The following DLG2 variants were observed in gnomAD, a reference collection of about 807,000 sequenced individuals.
DLG2 encodes discs large MAGUK scaffold protein 2.
A neutral mutation model predicts 132.5 loss-of-function variants in DLG2; 45 were observed. The observed-to-expected ratio is 0.34, with a 90% CI of 0.27 to 0.44. The LOEUF is 0.44. DLG2 is among the 20% of genes least tolerant of loss of function. DLG2 has a pLI of 1.00. For synonymous variants in DLG2, 424 were observed against 419.6 expected (o/e 1.01, Z -0.13); for missense variants, 1,045 against 1,196.9 (o/e 0.87, Z 1.87).
chr11:84,779,213 CAT>C (rs764603875), intron 6 of DLG2, among the ~76,000 whole-genome samples: 1 of 145,572 alleles, frequency 6.9e-6, no homozygotes, highest in Non-Finnish European at 1.5e-5. Context: ...CACACACACA[CAT>C]ATATATGTAT....
chr11:84,059,365 C>A lies in DLG2; in HGVS notation c.869G>T (p.Arg290Leu). 1 of 1,613,588 alleles carries A rather than the reference C, an allele frequency of 6.2e-7. No individual in the cohort carries two copies. Among genetic ancestry groups the A allele is most frequent in the Non-Finnish European group, 8.5e-7 (1 of 1,179,790 alleles). Residue 290 changes from arginine (R) to leucine (L), a missense_variant, in exon 11 of 28, where the codon CGA becomes CTA. Around this residue, in one of 4 missense-constraint regions of DLG2, gnomAD observed 109 missense variants for 159.1 expected, o/e 0.69. Coordinates refer to ENST00000376104, the MANE Select transcript of DLG2 (RefSeq NM_001142699.3). ...SIVRLYVRRR[R>L]PILETVVEIK... ...TTCCACAACGGTCTCCAAAATAGGT[C>A]GTCTTCTACGCACATACAGCCGAAC... is the stretch of plus-strand genomic sequence containing the variant.
intron 3 of DLG2, among the ~76,000 whole-genome samples, chr11:85,546,479 G>A (rs1437325058): frequency 6.6e-6 from 1 of 152,188 alleles, no homozygotes. Flanking sequence ...TTGATGTGGG[G>A]TGGAGAGTTC....
At chr11:83,901,704 A>G (rs975928963) in intron 15 of DLG2, among the ~76,000 whole-genome samples, 3 of 151,990 alleles carry the variant, frequency 2.0e-5, no homozygotes, top group African/African-American at 7.3e-5. Context: ...TGACTAATAC[A>G]GTTTCCATCT....
chr11:83,559,025 A>G (rs550766745), intron 19 of DLG2, among the ~76,000 whole-genome samples: 14 of 152,274 alleles, frequency 9.2e-5, no homozygotes, highest in African/African-American at 3.4e-4. Context: ...AATAAATTGA[A>G]GAAGAAGTAA....
chr11:83,941,901 C>G (rs550518863), intron 14 of DLG2, among the ~76,000 whole-genome samples: 1 of 152,102 alleles, frequency 6.6e-6, no homozygotes, highest in Non-Finnish European at 1.5e-5. Context: ...GGATATTAGA[C>G]GTTTTTCTGT....
intron 6 of DLG2, among the ~76,000 whole-genome samples, chr11:84,672,294 G>C (rs1302137094): frequency 6.6e-6 from 1 of 152,104 alleles, no homozygotes; most frequent in Admixed American, 6.6e-5. Context: ...TAAATGATGA[G>C]TTGGAATGAG....
At chr11:85,503,979 T>C (rs1427150750) in intron 3 of DLG2, among the ~76,000 whole-genome samples, 1 of 152,144 alleles carries the variant, frequency 6.6e-6, no homozygotes. Flanking sequence ...GAGCATTTTG[T>C]CATGTGTCTG....
In DLG2 at chr11:85,549,834, G is replaced by A. The variant is rs530179389; in HGVS notation, c.40+48823C>T. On this transcript the variant is annotated intron_variant, in intron 3 of 27. Transcript: ENST00000376104. ...TGCTAGAAGACACTCCTGCCAGAGC[G>A]ATGACCAGTTTACAAATGCCATGGC... Among the ~76,000 whole-genome samples, 11 of 152,122 alleles carry A rather than the reference G, an allele frequency of 7.2e-5. 1 individual carries two copies. The highest frequency in any genetic ancestry group is 2.0e-4 in the Admixed American group (3 of 15,276).
intron 6 of DLG2, among the ~76,000 whole-genome samples, chr11:85,109,261 T>A (rs2072317809): frequency 6.6e-6 from 1 of 152,104 alleles, no homozygotes; most frequent in African/African-American, 2.4e-5. Context: ...GGAGATATAA[T>A]TACTTTTATG....
At chr11:85,541,182 T>C (rs1406149916) in intron 3 of DLG2, among the ~76,000 whole-genome samples, 1 of 152,224 alleles carries the variant, frequency 6.6e-6, no homozygotes, top group African/African-American at 2.4e-5. Context: ...CTGTGAATGA[T>C]GGAAAACAAA....
intron 6 of DLG2, among the ~76,000 whole-genome samples, chr11:84,872,471 C>A (rs1222437074): frequency 6.6e-6 from 1 of 152,148 alleles, no homozygotes; most frequent in Non-Finnish European, 1.5e-5. Flanking sequence ...GGGAGATAGT[C>A]ATGTAGCTAG....
At chr11:85,596,518 C>T (rs1374281960) in intron 3 of DLG2, among the ~76,000 whole-genome samples, 1 of 152,056 alleles carries the variant, frequency 6.6e-6, no homozygotes, top group South Asian at 2.1e-4. Context: ...TTTGTGTTTT[C>T]TACATTATGA....
chr11:85,070,051 G>A (rs1434221228), intron 6 of DLG2, among the ~76,000 whole-genome samples: 2 of 151,664 alleles, frequency 1.3e-5, no homozygotes, highest in African/African-American at 4.8e-5. Flanking sequence ...ACTATCGCAA[G>A]GACAAAAAAC....
intron 3 of DLG2, chr11:85,285,998 T>C (rs2078529972): frequency 6.0e-6 from 2 of 335,876 alleles, no homozygotes; most frequent in Non-Finnish European, 1.1e-5. Context: ...AGTCAGAGGA[T>C]CCCAAGATGA....
At chr11:83,618,271 C>G (rs538603747) in intron 19 of DLG2, among the ~76,000 whole-genome samples, 1 of 151,996 alleles carries the variant, frequency 6.6e-6, no homozygotes, top group Admixed American at 6.5e-5. Flanking sequence ...AAATATATCA[C>G]TAGATATAAA....
At chr11:84,733,973 C>T (rs2063493954) in intron 6 of DLG2, among the ~76,000 whole-genome samples, 1 of 152,038 alleles carries the variant, frequency 6.6e-6, no homozygotes, top group South Asian at 2.1e-4. Flanking sequence ...TTTCTGAGGG[C>T]TCTGTTCTGT....
chr11:84,051,247 C>A (rs1482088356), intron 11 of DLG2, among the ~76,000 whole-genome samples: 1 of 151,824 alleles, frequency 6.6e-6, no homozygotes, highest in East Asian at 1.9e-4. Context: ...CTAGAAATAC[C>A]ATTTGACCCA....
At chr11:84,030,281 T>A (rs571740204) in intron 11 of DLG2, among the ~76,000 whole-genome samples, 24 of 152,138 alleles carry the variant, frequency 1.6e-4, no homozygotes, top group Non-Finnish European at 2.8e-4. Context: ...TCAATCCACA[T>A]AGGATTGTTT....
intron 24 of DLG2, among the ~76,000 whole-genome samples, chr11:83,470,641 G>A (rs1002566432): frequency 1.3e-5 from 2 of 152,172 alleles, no homozygotes; most frequent in Non-Finnish European, 2.9e-5. Context: ...GACTTTCTCA[G>A]GATATGTTCT....
Sources: gnomAD v4.1 joint callset for allele counts (sites outside exome capture counted in the v4.1 genomes callset) on GRCh38, gnomAD v4.1.1 for gene constraint, gnomAD v4.1.1 regional missense constraint, MANE v1.5 for transcripts, NCBI Gene and HGNC (gene_info 2026-07-23, HGNC 2026-07-21) for gene names.